PIK3R4: variants seen among roughly 807,000 people sequenced by gnomAD.
PIK3R4 encodes phosphoinositide-3-kinase regulatory subunit 4.
PIK3R4 carries 46 observed loss-of-function variants against 136.5 expected under a neutral mutation model. The observed-to-expected ratio is 0.34, with a 90% CI of 0.27 to 0.43. The LOEUF (loss-of-function observed/expected upper bound fraction) is 0.43, where lower values mean the gene tolerates loss of function less well. PIK3R4 is among the 20% of genes least tolerant of loss of function. The probability of loss-of-function intolerance (pLI) is 1.00; values close to 1 mark genes in which losing one functional copy is unlikely to be tolerated. For missense variants in PIK3R4, 1,331 were observed against 1,649.5 expected (o/e 0.81, Z 3.35); for synonymous variants, 557 against 566.7 (o/e 0.98, Z 0.24).
chr3:130,709,194 T>C (rs1425432345), intron 9 of PIK3R4, among the ~76,000 whole-genome samples: 1 of 152,158 alleles, frequency 6.6e-6, no homozygotes, highest in Non-Finnish European at 1.5e-5. Context: ...TTAATCCACC[T>C]AAAATAGTGC....
chr3:130,710,865 G>C (rs1348085225), intron 9 of PIK3R4, among the ~76,000 whole-genome samples: 1 of 151,480 alleles, frequency 6.6e-6, no homozygotes, highest in Non-Finnish European at 1.5e-5. Flanking sequence ...CAATACATCA[G>C]TAAATTTTTA....
chr3:130,740,770 A>T (rs2066817988), intron 2 of PIK3R4, among the ~76,000 whole-genome samples: 1 of 152,086 alleles, frequency 6.6e-6, no homozygotes, highest in Non-Finnish European at 1.5e-5. Flanking sequence ...TACACACTGA[A>T]ATGTTTCAGG....
intron 9 of PIK3R4, among the ~76,000 whole-genome samples, chr3:130,714,752 T>C (rs1019787328): frequency 6.6e-6 from 1 of 152,168 alleles, no homozygotes; most frequent in East Asian, 1.9e-4. Context: ...TCCAGTTTCA[T>C]CCATGTCCCT....
At position 130,708,520 on chromosome 3, in the gene PIK3R4, A is replaced by G. The variant is rs759265516; in HGVS notation, c.2332-28T>C. ...AAAACCAAATAAAACCATATGTTCTAGTTTATTTTCACAAATAATAAAAAC... is the reference window on the plus strand; with the variant it reads ...AAAACCAAATAAAACCATATGTTCTGGTTTATTTTCACAAATAATAAAAAC... On this transcript the variant is annotated intron_variant, in intron 9 of 19. Coordinates refer to ENST00000356763, the MANE Select transcript of PIK3R4 (RefSeq NM_014602.3). The G allele has an allele frequency of 3.8e-6, 6 of 1,568,462 alleles. No individual in the cohort carries two copies. The African/African-American group carries it at 4.1e-5, about 11-fold the overall frequency.
intron 13 of PIK3R4, among the ~76,000 whole-genome samples, chr3:130,698,743 G>A (rs2066560294): frequency 6.6e-6 from 1 of 152,092 alleles, no homozygotes; most frequent in Admixed American, 6.6e-5. Flanking sequence ...TCAAAACTGT[G>A]CATTCAAAAT....
chr3:130,688,785 G>C (rs1282537118), intron 14 of PIK3R4, among the ~76,000 whole-genome samples: 1 of 151,996 alleles, frequency 6.6e-6, no homozygotes, highest in Admixed American at 6.6e-5. Context: ...TTAGATCAGA[G>C]GTCAGCAAAC....
chr3:130,703,080 T>C (rs1167283282), intron 13 of PIK3R4, among the ~76,000 whole-genome samples: 1 of 152,160 alleles, frequency 6.6e-6, no homozygotes, highest in Non-Finnish European at 1.5e-5. Context: ...ATTCTCAACA[T>C]AACAGCCAGA....
chr3:130,691,230 T>C lies in PIK3R4; in HGVS notation c.3099-576A>G, dbSNP rs531107259. On this transcript the variant is annotated intron_variant, in intron 13 of 19. Coordinates refer to ENST00000356763, the MANE Select transcript of PIK3R4 (RefSeq NM_014602.3). The stretch of plus-strand genomic sequence containing the variant: ...CCTTCAGTTATTCTATCACACAGCT[T>C]GGCACAGAAGGAAAAGCATTGGCTT... Among the ~76,000 whole-genome samples the C allele has an allele frequency of 3.1e-4, 47 of 152,276 alleles. 1 individual carries two copies. The highest frequency in any genetic ancestry group is 1.1e-3 in the African/African-American group (46 of 41,554).
intron 3 of PIK3R4, among the ~76,000 whole-genome samples, chr3:130,734,837 C>T (rs762061601): frequency 6.6e-6 from 1 of 152,164 alleles, no homozygotes; most frequent in Admixed American, 6.5e-5. Flanking sequence ...TATTGAAATA[C>T]AATATCACAA....
intron 3 of PIK3R4, among the ~76,000 whole-genome samples, chr3:130,734,605 A>G (rs2066776043): frequency 6.6e-6 from 1 of 152,204 alleles, no homozygotes; most frequent in Non-Finnish European, 1.5e-5. Context: ...AGTGCAAAGG[A>G]ATCTGTGGTT....
At chr3:130,682,554 G>C (rs2066465551) in intron 16 of PIK3R4, among the ~76,000 whole-genome samples, 3 of 152,058 alleles carry the variant, frequency 2.0e-5, no homozygotes, top group Admixed American at 2.0e-4. Context: ...AGGGAGGGAA[G>C]AAAGTCAAGT....
chr3:130,707,212 G>A, intron 10 of PIK3R4, 77 bp from the exon 11 acceptor site: 1 of 899,428 alleles, frequency 1.1e-6, no homozygotes, highest in East Asian at 2.7e-5. Context: ...CCTTTGGAGG[G>A]GACAGTAGAG....
chr3:130,709,453 A>C (rs1184196896), intron 9 of PIK3R4, among the ~76,000 whole-genome samples: 1 of 152,120 alleles, frequency 6.6e-6, no homozygotes, highest in Non-Finnish European at 1.5e-5. Flanking sequence ...GACTATGATA[A>C]AACCAACCCT....
chr3:130,701,377 T>C (rs938110072), intron 13 of PIK3R4, among the ~76,000 whole-genome samples: 1 of 151,948 alleles, frequency 6.6e-6, no homozygotes, highest in African/African-American at 2.4e-5. Flanking sequence ...CCAGATGTGG[T>C]GGCACACGCC....
chr3:130,738,761 G>A (rs546500264), intron 2 of PIK3R4, among the ~76,000 whole-genome samples: 1 of 150,372 alleles, frequency 6.7e-6, no homozygotes, highest in African/African-American at 2.4e-5. Flanking sequence ...TTCTCCCACT[G>A]GCCAAATCTG....
intron 13 of PIK3R4, among the ~76,000 whole-genome samples, chr3:130,696,964 G>A (rs1286610765): frequency 6.6e-6 from 1 of 150,584 alleles, no homozygotes; most frequent in African/African-American, 2.4e-5. Context: ...ATGTCTTCCT[G>A]ATGAACTGAT....
chr3:130,679,303 A>T lies in PIK3R4; in HGVS notation c.*12T>A. ...ATTTATAACTATTAAAATTTATACA[A>T]ATCAGTAGGTTTTATTTCCACACCT... On this transcript the variant is annotated 3_prime_UTR_variant, in exon 20 of 20. Transcript: ENST00000356763. 1 of 1,530,912 alleles carries T rather than the reference A, an allele frequency of 6.5e-7. No homozygotes were observed. Among genetic ancestry groups the T allele is most frequent in the Non-Finnish European group, 8.9e-7 (1 of 1,124,334 alleles). The allele number at this position is 1,530,912 out of a possible 1,614,324, so 94.8% of individuals were successfully genotyped here. A position where few individuals can be genotyped will look rare whatever the true frequency, so the allele number is the denominator to read the frequency against.
Position 130,681,508 on chromosome 3 carries a change from G to A in PIK3R4, c.3691C>T (p.Pro1231Ser). 6.2e-7 allele frequency: 1 copy of A among 1,603,840 alleles called. No individual in the cohort carries two copies. The highest frequency in any genetic ancestry group is 8.5e-7 in the Non-Finnish European group (1 of 1,170,730). Residue 1231 changes from proline to serine, a missense_variant, in exon 17 of 20, where the codon CCA (proline) becomes TCA (serine). Pro to Ser is a moderately conservative substitution (Grantham distance 74, BLOSUM62 -1). Transcript: ENST00000356763. ...RFTLWASSAPPLSELQPSPHS... is the reference protein window; with the variant it reads ...RFTLWASSAPSLSELQPSPHS... ...AGTCAAACCTGTAATTCAGAAAGTG[G>A]TGGTGCACTGCTGGCCCAGAGAGTA...
chr3:130,699,947 G>T (rs1387238433), intron 13 of PIK3R4, among the ~76,000 whole-genome samples: 1 of 152,122 alleles, frequency 6.6e-6, no homozygotes, highest in East Asian at 1.9e-4. Context: ...CCAGGAAAGA[G>T]GTATCAATTG....
Sources: allele counts gnomAD v4.1 joint callset (sites outside exome capture counted in the v4.1 genomes callset), GRCh38; gene constraint gnomAD v4.1.1; transcripts MANE v1.5; gene names NCBI Gene and HGNC (gene_info 2026-07-23, HGNC 2026-07-21).